ZNF223: variants seen among roughly 807,000 people sequenced by gnomAD.
The protein encoded by ZNF223 is Homo sapiens zinc finger protein 223.
A neutral mutation model predicts 12.3 loss-of-function variants in ZNF223; 9 were observed. The observed-to-expected ratio is 0.73, with a 90% confidence interval of 0.44 to 1.28. The LOEUF is 1.28. Among genes scored for constraint, ZNF223 ranks in the 50% most tolerant of loss-of-function variants. ZNF223 has a pLI of 0.00. For missense variants in ZNF223, 506 were observed against 579.0 expected, an observed-to-expected ratio of 0.87 and a Z score of 1.29; for synonymous variants, 171 against 195.2, an observed-to-expected ratio of 0.88 and a Z score of 1.03.
At chr19:44,056,584 C>CTTTTTTTTT (rs1568512087) in intron 2 of ZNF223, among the ~76,000 whole-genome samples, 2 of 78,368 alleles carry the variant, frequency 2.6e-5, no homozygotes, top group African/African-American at 5.7e-5. Flanking sequence ...AATGCCTCAC[C>CTTTTTTTTT]ATTTTTTTTT....
At chr19:44,057,577 T>C (rs1404224336) in intron 2 of ZNF223, among the ~76,000 whole-genome samples, 1 of 152,208 alleles carries the variant, frequency 6.6e-6, no homozygotes, top group East Asian at 1.9e-4. Flanking sequence ...ATATTTCTTT[T>C]CTTAATTCTT....
intron 4 of ZNF223, among the ~76,000 whole-genome samples, chr19:44,061,456 G>A (rs757134321): frequency 2.1e-4 from 32 of 152,144 alleles, no homozygotes; most frequent in Non-Finnish European, 3.5e-4. Flanking sequence ...TCCACACTCC[G>A]TGGCTCTAGT....
intron 3 of ZNF223, 75 bp from the exon 4 acceptor site, chr19:44,060,674 A>G: frequency 6.2e-7 from 1 of 1,613,796 alleles, no homozygotes; most frequent in South Asian, 1.1e-5. Flanking sequence ...GTGGGAACCT[A>G]AATTTCCAAT....
Position 44,060,804 on chromosome 19 carries a change from G to A in ZNF223, c.198G>A (p.Trp66Ter), listed in dbSNP as rs762292105. The A allele has an allele frequency of 1.2e-6, 2 of 1,613,614 alleles. No individual in the cohort carries two copies. The highest frequency in any genetic ancestry group is 2.2e-5 in the South Asian group (2 of 91,066). The change falls in exon 4 of 5, where the codon TGG becomes TGA. Residue 66 changes from tryptophan (W) to a stop codon, truncating the protein, a stop_gained. Coordinates refer to ENST00000434772, the MANE Select transcript of ZNF223 (RefSeq NM_013361.6). LOFTEE classifies it low-confidence loss of function (END_TRUNC). ...TFHFLREEKF[W>*]MMDIATQREG... Reference sequence around the variant, plus strand: ...ACTTTCTAAGGGAGGAAAAGTTTTGGATGATGGATATAGCAACCCAAAGGG... The same window carrying A: ...ACTTTCTAAGGGAGGAAAAGTTTTGAATGATGGATATAGCAACCCAAAGGG...
chr19:44,054,443 C>T (rs994797559), intron 1 of ZNF223, among the ~76,000 whole-genome samples: 1 of 151,984 alleles, frequency 6.6e-6, no homozygotes, highest in Non-Finnish European at 1.5e-5. Context: ...TCCATTTCTC[C>T]TCTATTGGTT....
intron 1 of ZNF223, among the ~76,000 whole-genome samples, chr19:44,052,915 T>G (rs1311969809): frequency 6.6e-6 from 1 of 152,142 alleles, no homozygotes; most frequent in Non-Finnish European, 1.5e-5. Flanking sequence ...TGTAGTGTAC[T>G]TACTAGATAG....
intron 4 of ZNF223, among the ~76,000 whole-genome samples, chr19:44,064,262 G>A (rs1976876984): frequency 6.6e-6 from 1 of 152,076 alleles, no homozygotes; most frequent in African/African-American, 2.4e-5. Flanking sequence ...TATAAAAACA[G>A]TTAAAAAGGC....
At chr19:44,056,905 A>G (rs1415957112) in intron 2 of ZNF223, among the ~76,000 whole-genome samples, 1 of 152,066 alleles carries the variant, frequency 6.6e-6, no homozygotes, top group Admixed American at 6.5e-5. Context: ...CGCCTCACAC[A>G]TTGTTACCAG....
Position 44,052,206 on chromosome 19 carries a change from G to C in ZNF223, c.-69+11G>C, listed in dbSNP as rs1177304853. 1 of 153,572 alleles carries C rather than the reference G, an allele frequency of 6.5e-6. No individual in the cohort carries two copies. The highest frequency in any genetic ancestry group is 1.5e-5 in the Non-Finnish European group (1 of 68,102). The allele number at this position is 153,572 out of a possible 1,614,324, so 9.5% of individuals were successfully genotyped here. A position where few individuals can be genotyped will look rare whatever the true frequency, so the allele number is the denominator to read the frequency against. On this transcript the variant is annotated intron_variant, in intron 1 of 4. Coordinates refer to ENST00000434772, the MANE Select transcript of ZNF223 (RefSeq NM_013361.6). ...AGCAGAGGTTTAGAGGTGCGAGGGC[G>C]GGGAGGGTGTTTATTGTTCCCGTCA...
chr19:44,056,042 C>T (rs1273067388), intron 2 of ZNF223, among the ~76,000 whole-genome samples: 1 of 152,016 alleles, frequency 6.6e-6, no homozygotes, highest in African/African-American at 2.4e-5. Context: ...CTGGAGTGCT[C>T]CCTTGAGTGA....
chr19:44,062,060 T>A (rs961925755), intron 4 of ZNF223, among the ~76,000 whole-genome samples: 6 of 152,234 alleles, frequency 3.9e-5, no homozygotes, highest in Admixed American at 3.9e-4. Context: ...ATAGTCCTAG[T>A]ACATGGAGGG....
Position 44,055,246 on chromosome 19 carries a change from TTG to T in ZNF223, c.15+61_15+62del, listed in dbSNP as rs976143929. Reference sequence around the variant, plus strand: ...AAATTCCATCTCACTACTCAGATTGTTGTGTGTTTTTCTCTGCCCTGGGAAGA... The same window carrying T: ...AAATTCCATCTCACTACTCAGATTGTTGTGTTTTTCTCTGCCCTGGGAAGA... On this transcript the variant is annotated intron_variant, in intron 2 of 4. Coordinates refer to ENST00000434772, the MANE Select transcript of ZNF223 (RefSeq NM_013361.6). The T allele has an allele frequency of 7.5e-5, 120 of 1,597,370 alleles. No homozygotes were observed. In the African/African-American group the frequency reaches 1.5e-3, roughly 20 times the overall value.
Position 44,066,735 on chromosome 19 carries a change from C to A in ZNF223, c.907C>A (p.Leu303Ile). 1 of 1,614,202 alleles carries A rather than the reference C, an allele frequency of 6.2e-7. No individual in the cohort carries two copies. Among genetic ancestry groups the A allele is most frequent in the Non-Finnish European group, 8.5e-7 (1 of 1,180,040 alleles). ...CSVSFRLRSS[L>I]NRHCVVHTGK... ...TGTGAGCTTCCGTCTTAGGTCAAGT[C>A]TTAATAGGCATTGTGTGGTCCACAC... Residue 303 changes from leucine (L) to isoleucine (I), a missense_variant, in exon 5 of 5, where the codon CTT (leucine) becomes ATT (isoleucine). By Grantham distance (5) the Leu-to-Ile change is conservative. Coordinates refer to ENST00000434772, the MANE Select transcript of ZNF223 (RefSeq NM_013361.6).
At chr19:44,064,702 T>C (rs6509137) in intron 4 of ZNF223, among the ~76,000 whole-genome samples, 123,520 of 151,946 alleles carry the variant, frequency 0.81, 50,714 homozygotes, top group Non-Finnish European at 0.87. Flanking sequence ...TCACTGGATG[T>C]ATTTATTCTC....
At chr19:44,055,081 C>G (rs1195314981) in intron 1 of ZNF223, 28 bp from the exon 2 acceptor site, 6 of 1,323,094 alleles carry the variant, frequency 4.5e-6, no homozygotes, top group Non-Finnish European at 6.4e-6. Context: ...TTTCATGTCT[C>G]TTTTTCTGTC....
intron 1 of ZNF223, among the ~76,000 whole-genome samples, chr19:44,053,332 C>T (rs1278696273): frequency 6.6e-6 from 1 of 151,988 alleles, no homozygotes; most frequent in Non-Finnish European, 1.5e-5. Context: ...TGTGGAAGGA[C>T]TATAGGGTAA....
chr19:44,064,733 G>C (rs2147479183), intron 4 of ZNF223, among the ~76,000 whole-genome samples: 1 of 152,166 alleles, frequency 6.6e-6, no homozygotes, highest in East Asian at 1.9e-4. Flanking sequence ...ATTTTTACAA[G>C]CAAAAGATGC....
intron 1 of ZNF223, among the ~76,000 whole-genome samples, chr19:44,052,678 C>T (rs1599866082): frequency 6.6e-6 from 1 of 152,100 alleles, no homozygotes; most frequent in African/African-American, 2.4e-5. Context: ...TGACCATCAA[C>T]CAAATACCAC....
chr19:44,058,030 A>G (rs1599868318), intron 2 of ZNF223, among the ~76,000 whole-genome samples: 1 of 152,118 alleles, frequency 6.6e-6, no homozygotes, highest in East Asian at 1.9e-4. Context: ...GAGCTGAGGC[A>G]CCCCAGAAGG....
Sources: gnomAD v4.1 joint callset for allele counts (sites outside exome capture counted in the v4.1 genomes callset) on GRCh38, gnomAD v4.1.1 for gene constraint, MANE v1.5 for transcripts, NCBI Gene and HGNC (gene_info 2026-07-23, HGNC 2026-07-21) for gene names.